DGKI: variants seen among roughly 807,000 people sequenced by gnomAD.
DGKI encodes the protein DAG kinase iota.
In DGKI, 55 loss-of-function variants were observed where a neutral mutation model predicts 147.5. That is an observed-to-expected ratio of 0.37 (90% confidence interval 0.30 to 0.47). The LOEUF is 0.47. Among genes scored for constraint, DGKI ranks in the 20% least tolerant of loss-of-function variants. The pLI is 1.00. For synonymous variants in DGKI, 469 were observed against 477.1 expected (o/e 0.98, Z 0.22); for missense variants, 1,007 against 1,323.8 (o/e 0.76, Z 3.71).
intron 10 of DGKI, among the ~76,000 whole-genome samples, chr7:137,604,891 G>C (rs772718549): frequency 5.3e-5 from 8 of 152,150 alleles, no homozygotes; most frequent in Non-Finnish European, 1.2e-4. Context: ...TTGACATTAA[G>C]GCAAACAGAA....
At chr7:137,670,666 T>C (rs141952062) in intron 3 of DGKI, among the ~76,000 whole-genome samples, 5 of 152,334 alleles carry the variant, frequency 3.3e-5, no homozygotes, top group Admixed American at 3.3e-4. Context: ...AGATCCTCAA[T>C]ATCCTAATGG....
intron 20 of DGKI, among the ~76,000 whole-genome samples, chr7:137,549,810 A>T (rs1817985186): frequency 6.6e-6 from 1 of 152,232 alleles, no homozygotes; most frequent in African/African-American, 2.4e-5. Flanking sequence ...TTTTCTGGTA[A>T]AATTGAAAGA....
At chr7:137,495,830 T>C (rs1815946573) in intron 21 of DGKI, among the ~76,000 whole-genome samples, 1 of 152,160 alleles carries the variant, frequency 6.6e-6, no homozygotes, top group Admixed American at 6.6e-5. Context: ...GAGTCATCTA[T>C]GATAAACCCA....
At chr7:137,832,002 G>A (rs985856483) in intron 1 of DGKI, among the ~76,000 whole-genome samples, 65 of 152,222 alleles carry the variant, frequency 4.3e-4, no homozygotes, top group African/African-American at 1.6e-3. Context: ...GATCAACTTT[G>A]ACTCCATGTC....
intron 1 of DGKI, among the ~76,000 whole-genome samples, chr7:137,713,205 T>C (rs963963348): frequency 6.6e-6 from 1 of 152,200 alleles, no homozygotes; most frequent in Non-Finnish European, 1.5e-5. Flanking sequence ...CTGTCATTGA[T>C]AAACATAGCA....
chr7:137,502,806 T>G (rs990697706), intron 21 of DGKI, among the ~76,000 whole-genome samples: 1 of 152,160 alleles, frequency 6.6e-6, no homozygotes, highest in African/African-American at 2.4e-5. Context: ...TATTCCTACT[T>G]TCCATTGAAC....
intron 24 of DGKI, among the ~76,000 whole-genome samples, chr7:137,469,057 T>C (rs1814775174): frequency 3.9e-5 from 6 of 152,172 alleles, no homozygotes; most frequent in Admixed American, 3.9e-4. Flanking sequence ...ACTAACCTAT[T>C]ATGCATGCAA....
At chr7:137,431,392 T>C (rs541687547) in intron 28 of DGKI, among the ~76,000 whole-genome samples, 28 of 152,296 alleles carry the variant, frequency 1.8e-4, no homozygotes, top group African/African-American at 6.3e-4. Flanking sequence ...CTTTGCATTG[T>C]CAGGAGAAAA....
rs56891185 is a variant in DGKI, at chr7:137,453,924, G to GTTT, written c.2735+9562_2735+9564dup. Among the ~76,000 whole-genome samples, 81 of 138,464 alleles carry GTTT rather than the reference G, an allele frequency of 5.8e-4. No individual in the cohort carries two copies. The East Asian group carries it at 7.5e-3, about 13-fold the overall frequency. 90.8% of individuals were successfully genotyped at this position (138,464 alleles called of 152,430 possible). A position where few individuals can be genotyped will look rare whatever the true frequency, so the allele number is the denominator to read the frequency against. ...ATGTGAGCTGGGCTTGAAATATCTT[G>GTTT]TTTTTTTTTTTTTTAAATAGATTCC... On this transcript the variant is annotated intron_variant, in intron 27 of 32. Transcript: ENST00000614521.
At chr7:137,639,212 G>A (rs1038829539) in intron 6 of DGKI, among the ~76,000 whole-genome samples, 10 of 152,142 alleles carry the variant, frequency 6.6e-5, no homozygotes, top group African/African-American at 2.4e-4. Context: ...TATGAAATAT[G>A]CAATGAGATC....
At chr7:137,748,886 G>T (rs1157186924) in intron 1 of DGKI, among the ~76,000 whole-genome samples, 1 of 152,106 alleles carries the variant, frequency 6.6e-6, no homozygotes, top group African/African-American at 2.4e-5. Flanking sequence ...ATCTTTTTAT[G>T]ATTTACAAGT....
intron 1 of DGKI, among the ~76,000 whole-genome samples, chr7:137,766,487 G>T (rs796177904): frequency 3.3e-4 from 51 of 152,310 alleles, no homozygotes; most frequent in African/African-American, 1.1e-3. Flanking sequence ...TAACCTATTA[G>T]CACAAAGAAA....
intron 1 of DGKI, among the ~76,000 whole-genome samples, chr7:137,845,612 G>T (rs1798687898): frequency 6.6e-6 from 1 of 152,170 alleles, no homozygotes; most frequent in South Asian, 2.1e-4. Context: ...CTGCGGAAGG[G>T]AGGGGTGAGA....
intron 6 of DGKI, among the ~76,000 whole-genome samples, chr7:137,644,071 A>G (rs568523671): frequency 3.9e-5 from 6 of 152,296 alleles, no homozygotes; most frequent in African/African-American, 1.4e-4. Flanking sequence ...TCTTGAAGTA[A>G]AAGAAAATCC....
intron 21 of DGKI, among the ~76,000 whole-genome samples, chr7:137,516,478 T>G (rs2128949832): frequency 6.6e-6 from 1 of 152,226 alleles, no homozygotes; most frequent in South Asian, 2.1e-4. Flanking sequence ...TTTCTTTCAT[T>G]ATTTAAATGA....
At chr7:137,435,243 A>G (rs1563017546) in intron 28 of DGKI, among the ~76,000 whole-genome samples, 1 of 152,224 alleles carries the variant, frequency 6.6e-6, no homozygotes, top group African/African-American at 2.4e-5. Flanking sequence ...GAAGAGCAAC[A>G]TTACCCATGA....
At chr7:137,687,588 A>G (rs1823462311) in intron 2 of DGKI, among the ~76,000 whole-genome samples, 1 of 152,200 alleles carries the variant, frequency 6.6e-6, no homozygotes, top group Non-Finnish European at 1.5e-5. Flanking sequence ...ATTTTTAACA[A>G]TCGGCTTTTT....
intron 23 of DGKI, among the ~76,000 whole-genome samples, chr7:137,471,358 C>CA (rs1432345215): frequency 1.3e-5 from 2 of 152,034 alleles, no homozygotes; most frequent in African/African-American, 4.8e-5. Context: ...CTTGTGTGTA[C>CA]AGAGGGGACA....
At chr7:137,797,306 C>G (rs1034053334) in intron 1 of DGKI, among the ~76,000 whole-genome samples, 3 of 152,084 alleles carry the variant, frequency 2.0e-5, no homozygotes, top group Non-Finnish European at 4.4e-5. Flanking sequence ...TAAAAAGAAC[C>G]CTTCTGCTAA....
Sources: allele counts gnomAD v4.1 joint callset (sites outside exome capture counted in the v4.1 genomes callset), GRCh38; gene constraint gnomAD v4.1.1; transcripts MANE v1.5; gene names NCBI Gene and HGNC (gene_info 2026-07-23, HGNC 2026-07-21).